RAP1GAP2: variants seen among roughly 807,000 people sequenced by gnomAD.
RAP1GAP2 encodes rap1 GTPase-activating protein 2.
In RAP1GAP2, 27 loss-of-function variants were observed where a neutral mutation model predicts 95.0. That is an observed-to-expected ratio of 0.28 (90% CI 0.21 to 0.39). The LOEUF (loss-of-function observed/expected upper bound fraction) is 0.39. RAP1GAP2 is among the 10% of genes least tolerant of loss of function. RAP1GAP2 has a pLI of 1.00. For synonymous variants in RAP1GAP2, 373 were observed against 380.9 expected (o/e 0.98, Z 0.24); for missense variants, 771 against 970.0 (o/e 0.79, Z 2.72).
chr17:3,006,120 CTTTTTTTTTTTTTTT>C (rs537126167), intron 16 of RAP1GAP2, 79 bp downstream of exon 16: 162 of 409,634 alleles, frequency 4.0e-4, no homozygotes, highest in Non-Finnish European at 5.3e-4. Context: ...GCTCCTCCAT[CTTTTTTTTTTTTTTT>C]TTTTTTTTTG....
At chr17:3,028,571 T>C (rs1007252376) in intron 22 of RAP1GAP2, among the ~76,000 whole-genome samples, 13 of 152,164 alleles carry the variant, frequency 8.5e-5, no homozygotes, top group Non-Finnish European at 2.9e-5. Flanking sequence ...CGAAGGGATG[T>C]TGCAAAGGGA....
At position 2,962,906 on chromosome 17, in the gene RAP1GAP2, A is replaced by T. The variant is rs976822661; in HGVS notation, c.246+192A>T. The T allele has an allele frequency of 3.5e-5, 21 of 599,710 alleles. No individual in the cohort carries two copies. In the African/African-American group the frequency reaches 3.8e-4, roughly 11 times the overall value. The allele number at this position is 599,710 out of a possible 1,614,324, so 37.1% of individuals were successfully genotyped here. A position where few individuals can be genotyped will look rare whatever the true frequency, so the allele number is the denominator to read the frequency against. On this transcript the variant is annotated intron_variant, in intron 5 of 24. Coordinates refer to ENST00000254695, the MANE Select transcript of RAP1GAP2 (RefSeq NM_015085.5). Reference sequence around the variant, plus strand: ...TGGGCAGCAGAGGGGTCCTGGCTTGATGCCTTAGGACAGCTTCAGAGCAGG... The same window carrying T: ...TGGGCAGCAGAGGGGTCCTGGCTTGTTGCCTTAGGACAGCTTCAGAGCAGG...
rs1222061794 is a variant in RAP1GAP2 at position 3,015,507 on chromosome 17, G to A, written c.1495-2554G>A. On this transcript the variant is annotated intron_variant, in intron 17 of 24. Coordinates refer to ENST00000254695, the MANE Select transcript of RAP1GAP2 (RefSeq NM_015085.5). ...GCCATTTTCTTGGGACCACTTTGCT[G>A]TAGACCCAGCTCTTCCTAAGATGAC... 2.0e-5 allele frequency among the ~76,000 whole-genome samples: 3 copies of A among 152,138 alleles called. No individual in the cohort carries two copies. The East Asian group carries it at 5.8e-4, about 29-fold the overall frequency.
chr17:2,911,825 C>G (rs1258622652), intron 3 of RAP1GAP2, among the ~76,000 whole-genome samples: 1 of 152,170 alleles, frequency 6.6e-6, no homozygotes, highest in East Asian at 1.9e-4. Flanking sequence ...TCTCCTGATT[C>G]TCTCGACGCT....
At chr17:2,942,654 A>G (rs1220569765) in intron 3 of RAP1GAP2, among the ~76,000 whole-genome samples, 1 of 152,216 alleles carries the variant, frequency 6.6e-6, no homozygotes, top group Non-Finnish European at 1.5e-5. Context: ...TCTCTTTTAA[A>G]AAAATTGGTG....
intron 2 of RAP1GAP2, among the ~76,000 whole-genome samples, chr17:2,889,863 G>GTATATATATATATATA (rs748546441): frequency 3.6e-4 from 29 of 79,828 alleles, no homozygotes; most frequent in Middle Eastern, 6.8e-3. Flanking sequence ...TTATGTGTGT[G>GTATATATATATATATA]TATATATATA....
chr17:2,967,009 A>T (rs72822896), intron 8 of RAP1GAP2, among the ~76,000 whole-genome samples: 7 of 152,094 alleles, frequency 4.6e-5, no homozygotes, highest in African/African-American at 1.7e-4. Flanking sequence ...TTTGTAATCT[A>T]TGGGGGCAGT....
intron 2 of RAP1GAP2, among the ~76,000 whole-genome samples, chr17:2,834,769 C>G (rs2071056794): frequency 6.6e-6 from 1 of 152,010 alleles, no homozygotes; most frequent in Non-Finnish European, 1.5e-5. Flanking sequence ...TGTACTCCAG[C>G]CTGGGTGACA....
chr17:2,995,229 T>A, intron 12 of RAP1GAP2, 108 bp from the exon 13 acceptor site: 1 of 1,371,884 alleles, frequency 7.3e-7, no homozygotes, highest in Non-Finnish European at 1.0e-6. Flanking sequence ...CTCTCCTGTC[T>A]CCTCTGCTGC....
At chr17:2,765,024 AG>A (rs2068247859) in intron 1 of RAP1GAP2, among the ~76,000 whole-genome samples, 1 of 152,148 alleles carries the variant, frequency 6.6e-6, no homozygotes, top group South Asian at 2.1e-4. Flanking sequence ...GGCTTCCTGG[AG>A]GAGCCTAATT....
chr17:3,012,844 A>C (rs2046608730), intron 17 of RAP1GAP2, among the ~76,000 whole-genome samples: 1 of 152,178 alleles, frequency 6.6e-6, no homozygotes, highest in Admixed American at 6.5e-5. Flanking sequence ...ACCATTTTCC[A>C]GTGCCATTCT....
Position 2,909,704 on chromosome 17 carries a change from C to G in RAP1GAP2, c.165+4336C>G, listed in dbSNP as rs141425184. ...AGGAGGTGTCCCTTCCTCCTCCTCC[C>G]CCGTGTTCTGTCCTTCTCCCCTTTG... is the stretch of plus-strand genomic sequence containing the variant. On this transcript the variant is annotated intron_variant, in intron 3 of 24. Coordinates refer to ENST00000254695, the MANE Select transcript of RAP1GAP2 (RefSeq NM_015085.5). Among the ~76,000 whole-genome samples, 1,439 of 152,290 alleles carry G rather than the reference C, an allele frequency of 9.4e-3. 15 individuals carry two copies. The highest frequency in any genetic ancestry group is 0.031 in the African/African-American group (1,298 of 41,548).
intron 17 of RAP1GAP2, among the ~76,000 whole-genome samples, chr17:3,009,682 G>A (rs767025693): frequency 1.4e-4 from 21 of 152,196 alleles, no homozygotes; most frequent in Non-Finnish European, 2.8e-4. Flanking sequence ...TGCCTCTTGG[G>A]GTTGGGAAAA....
At chr17:2,860,004 T>G (rs1263117396) in intron 2 of RAP1GAP2, among the ~76,000 whole-genome samples, 1 of 151,844 alleles carries the variant, frequency 6.6e-6, no homozygotes, top group African/African-American at 2.4e-5. Context: ...TTAGTCATTG[T>G]TGATTGATTT....
intron 2 of RAP1GAP2, among the ~76,000 whole-genome samples, chr17:2,898,504 G>A (rs10852851): frequency 0.36 from 54,048 of 151,984 alleles, 9,884 homozygotes; most frequent in East Asian, 0.46. Context: ...ATCAGTGCCC[G>A]CATCTCCATG....
intron 8 of RAP1GAP2, among the ~76,000 whole-genome samples, chr17:2,966,773 T>C (rs543439189): frequency 6.6e-6 from 1 of 152,252 alleles, no homozygotes; most frequent in South Asian, 2.1e-4. Context: ...CATCTCCAAA[T>C]AGGATTTCCA....
At chr17:2,920,331 T>A (rs1359230923) in intron 3 of RAP1GAP2, among the ~76,000 whole-genome samples, 2 of 152,182 alleles carry the variant, frequency 1.3e-5, no homozygotes, top group Non-Finnish European at 2.9e-5. Context: ...GATAGAGCAC[T>A]TGGCATTCAG....
intron 8 of RAP1GAP2, among the ~76,000 whole-genome samples, chr17:2,969,918 T>C (rs532408376): frequency 6.6e-6 from 1 of 152,244 alleles, no homozygotes; most frequent in South Asian, 2.1e-4. Flanking sequence ...ATATAGAGAA[T>C]GTCTTAATTT....
At chr17:2,835,703 T>C (rs1272105447) in intron 2 of RAP1GAP2, among the ~76,000 whole-genome samples, 1 of 152,214 alleles carries the variant, frequency 6.6e-6, no homozygotes, top group Non-Finnish European at 1.5e-5. Flanking sequence ...CCAGCCTGGG[T>C]GCATTCCAGA....
Sources: allele counts gnomAD v4.1 joint callset (sites outside exome capture counted in the v4.1 genomes callset), GRCh38; gene constraint gnomAD v4.1.1; transcripts MANE v1.5; gene names NCBI Gene and HGNC (gene_info 2026-07-23, HGNC 2026-07-21).